The following FHIT variants were observed in gnomAD, a reference collection of about 807,000 sequenced individuals.
FHIT encodes the protein bis(5'-adenosyl)-triphosphatase.
Under a neutral mutation model 17.9 loss-of-function variants are expected in FHIT, and 19 were observed. That is an observed-to-expected ratio of 1.06 (90% confidence interval 0.74 to 1.56). The LOEUF (loss-of-function observed/expected upper bound fraction) is 1.56. FHIT is among the 40% of genes most tolerant of loss of function. The pLI is 0.00. For missense variants in FHIT, 248 were observed against 189.2 expected (o/e 1.31, Z -1.82); for synonymous variants, 81 against 69.7 (o/e 1.16, Z -0.81).
intron 7 of FHIT, among the ~76,000 whole-genome samples, chr3:59,987,406 A>G (rs539570006): frequency 4.0e-5 from 6 of 151,852 alleles, no homozygotes; most frequent in African/African-American, 9.7e-5. Flanking sequence ...GTGTTTCTCT[A>G]AAGAGTTTTC....
chr3:59,910,533 G>T (rs1343916529), intron 8 of FHIT, among the ~76,000 whole-genome samples: 1 of 152,082 alleles, frequency 6.6e-6, no homozygotes, highest in Admixed American at 6.6e-5. Flanking sequence ...TGAGTCTCTG[G>T]TCTCAGGTTT....
chr3:60,166,460 T>C (rs4411839), intron 5 of FHIT, among the ~76,000 whole-genome samples: 36,602 of 152,138 alleles, frequency 0.24, 5,039 homozygotes, highest in Middle Eastern at 0.31. Context: ...ATGTGTTAAG[T>C]GCTCAGAACA....
intron 8 of FHIT, among the ~76,000 whole-genome samples, chr3:59,834,128 G>A (rs1392191387): frequency 1.3e-5 from 2 of 152,174 alleles, no homozygotes; most frequent in Non-Finnish European, 2.9e-5. Context: ...GAAAAAGGAG[G>A]CAGCACAATG....
intron 3 of FHIT, among the ~76,000 whole-genome samples, chr3:60,930,764 G>A (rs1315695559): frequency 6.6e-6 from 1 of 152,274 alleles, no homozygotes; most frequent in South Asian, 2.1e-4. Context: ...TACACTGTTG[G>A]TGGGACTGTA....
At chr3:60,087,481 T>G (rs1703545602) in intron 5 of FHIT, among the ~76,000 whole-genome samples, 1 of 152,192 alleles carries the variant, frequency 6.6e-6, no homozygotes, top group Non-Finnish European at 1.5e-5. Flanking sequence ...ACACTCTGCT[T>G]CGCTTTTAAT....
rs527777299 is a variant in FHIT, at chr3:59,839,561, C to T, written c.348+82785G>A. ...GAAGCAGCTCTGCCTTACTGCCCAC[C>T]GGTTCCTCCAGAGATCACACTTTTA... On this transcript the variant is annotated intron_variant, in intron 8 of 9. Coordinates refer to ENST00000492590, the MANE Select transcript of FHIT (RefSeq NM_002012.4). Among the ~76,000 whole-genome samples, 9 of 152,200 alleles carry T rather than the reference C, an allele frequency of 5.9e-5. No homozygotes were observed. In the South Asian group the frequency reaches 8.3e-4, roughly 14 times the overall value.
At chr3:60,877,445 C>A (rs181420991) in intron 3 of FHIT, among the ~76,000 whole-genome samples, 6 of 152,308 alleles carry the variant, frequency 3.9e-5, no homozygotes, top group African/African-American at 1.2e-4. Flanking sequence ...CCTGGGGAAA[C>A]AGTGCTTTGG....
chr3:59,805,426 T>TAG (rs1459802235), intron 8 of FHIT, among the ~76,000 whole-genome samples: 1 of 152,166 alleles, frequency 6.6e-6, no homozygotes, highest in African/African-American at 2.4e-5. Context: ...TTCTGACTGT[T>TAG]CGCTCCCTGT....
intron 1 of FHIT, among the ~76,000 whole-genome samples, chr3:61,232,898 A>G (rs932324854): frequency 2.0e-5 from 3 of 152,264 alleles, no homozygotes; most frequent in Non-Finnish European, 4.4e-5. Context: ...AGCAAGGTAC[A>G]GAACAATGTG....
rs1196807991 is a variant in FHIT at position 60,184,890 on chromosome 3, C to T, written c.104-170738G>A. Among the ~76,000 whole-genome samples the T allele has an allele frequency of 3.1e-4, 47 of 152,154 alleles. 1 individual carries two copies. The highest frequency in any genetic ancestry group is 3.0e-3 in the Admixed American group (46 of 15,282). On this transcript the variant is annotated intron_variant, in intron 5 of 9. Coordinates refer to ENST00000492590, the MANE Select transcript of FHIT (RefSeq NM_002012.4). ...ATTCAATAGTGTTTATTCTGCTGTT[C>T]GAAGCGACCCATCTTTGGCGCTTGG...
chr3:60,747,772 T>C (rs2042388111), intron 4 of FHIT, among the ~76,000 whole-genome samples: 1 of 152,104 alleles, frequency 6.6e-6, no homozygotes, highest in African/African-American at 2.4e-5. Flanking sequence ...GATAATATTA[T>C]CCCCATTAAC....
chr3:59,787,524 A>T (rs397832394), intron 8 of FHIT, among the ~76,000 whole-genome samples: 3 of 128,718 alleles, frequency 2.3e-5, no homozygotes, highest in South Asian at 2.4e-4. Flanking sequence ...ACACACACAC[A>T]CACACGTCAA....
At chr3:60,660,330 CT>C (rs528869205) in intron 4 of FHIT, among the ~76,000 whole-genome samples, 24 of 152,140 alleles carry the variant, frequency 1.6e-4, no homozygotes, top group African/African-American at 5.5e-4. Context: ...TGACAGTGGC[CT>C]TTTTGCACAC....
intron 2 of FHIT, among the ~76,000 whole-genome samples, chr3:61,174,553 G>A (rs13320646): frequency 0.46 from 69,842 of 152,022 alleles, 16,948 homozygotes; most frequent in East Asian, 0.87. Flanking sequence ...CCATCTTTAT[G>A]GCCCAACTGT....
intron 8 of FHIT, among the ~76,000 whole-genome samples, chr3:59,859,937 G>T (rs1285555370): frequency 6.6e-6 from 1 of 152,124 alleles, no homozygotes; most frequent in Non-Finnish European, 1.5e-5. Flanking sequence ...TAATAGTAAT[G>T]AGAAGAGTGC....
At chr3:60,337,709 G>A (rs1253672841) in intron 5 of FHIT, among the ~76,000 whole-genome samples, 1 of 152,162 alleles carries the variant, frequency 6.6e-6, no homozygotes, top group Non-Finnish European at 1.5e-5. Context: ...TCCTGGGAGA[G>A]AGTACTGAAA....
chr3:60,200,938 A>G (rs1702873112), intron 5 of FHIT, among the ~76,000 whole-genome samples: 1 of 152,048 alleles, frequency 6.6e-6, no homozygotes, highest in South Asian at 2.1e-4. Context: ...AAACATCAAC[A>G]TTTATTGCCA....
intron 5 of FHIT, among the ~76,000 whole-genome samples, chr3:60,183,682 C>T (rs553758040): frequency 5.1e-4 from 77 of 152,198 alleles, no homozygotes; most frequent in Middle Eastern, 6.8e-3. Flanking sequence ...TAAGTGATGC[C>T]GACACCCTCT....
At chr3:60,195,291 C>T (rs575263001) in intron 5 of FHIT, among the ~76,000 whole-genome samples, 6 of 152,038 alleles carry the variant, frequency 3.9e-5, no homozygotes, top group Non-Finnish European at 5.9e-5. Context: ...AAAAAGGGAA[C>T]ATTTATACAC....
Sources: allele counts gnomAD v4.1 joint callset (sites outside exome capture counted in the v4.1 genomes callset), GRCh38; gene constraint gnomAD v4.1.1; transcripts MANE v1.5; gene names NCBI Gene and HGNC (gene_info 2026-07-23, HGNC 2026-07-21).